Variants in USP3 observed in about 807,000 individuals in gnomAD.
USP3 encodes the protein ubiquitin carboxyl-terminal hydrolase 3.
Under a neutral mutation model 72.3 loss-of-function variants are expected in USP3, and 20 were observed. That is an observed-to-expected ratio of 0.28 (90% CI 0.19 to 0.40). USP3 has a LOEUF of 0.40. Among genes scored for constraint, USP3 ranks in the 10% least tolerant of loss-of-function variants. USP3 has a pLI of 1.00. For missense variants in USP3, 479 were observed against 633.9 expected (o/e 0.76, Z 2.62); for synonymous variants, 222 against 225.3 (o/e 0.99, Z 0.13).
Position 63,574,509 on chromosome 15 carries a change from G to T in USP3, c.1096+106G>T. ...TTTAATTAATATCTTTAATGAATCT[G>T]TGTTGTAACTTAACAAAAGTCAAAC... On this transcript the variant is annotated intron_variant, in intron 11 of 14. Coordinates refer to ENST00000380324, the MANE Select transcript of USP3 (RefSeq NM_006537.4). The surrounding 1 kb of genome is among the most constrained non-coding windows in gnomAD (Gnocchi z 4.6). 1.2e-6 allele frequency: 1 copy of T among 815,926 alleles called. No individual in the cohort carries two copies. Among genetic ancestry groups the T allele is most frequent in the Non-Finnish European group, 1.8e-6 (1 of 563,356 alleles). 50.5% of individuals were successfully genotyped at this position (815,926 alleles called of 1,614,324 possible).
At chr15:63,539,671 T>C (rs997862481) in intron 3 of USP3, among the ~76,000 whole-genome samples, 11 of 152,198 alleles carry the variant, frequency 7.2e-5, no homozygotes, top group African/African-American at 2.7e-4. Context: ...GTATACACTA[T>C]GATGGAGTCT....
At position 63,560,634 on chromosome 15, in the gene USP3, T is replaced by C. The variant is rs76354977; in HGVS notation, c.647+664T>C. ...AACCTGTCTTGGATACTGAAATTAA[T>C]TTGTAGTCAACAGATTAGTTGTGGG... is the stretch of plus-strand genomic sequence containing the variant. On this transcript the variant is annotated intron_variant, in intron 7 of 14. Transcript: ENST00000380324. Among the ~76,000 whole-genome samples the C allele has an allele frequency of 5.5e-3, 833 of 152,122 alleles. 11 individuals are homozygous for C. The highest frequency in any genetic ancestry group is 7.0e-3 in the Non-Finnish European group (477 of 68,002).
rs1483655879 is a variant in USP3 at position 63,592,918 on chromosome 15, A to G, written c.*2092A>G. The stretch of plus-strand genomic sequence containing the variant: ...GAACACATCTGCTAAACACTTTAAC[A>G]TGACAAGGAGCAAATTACAATTATG... On this transcript the variant is annotated 3_prime_UTR_variant, in exon 15 of 15. Transcript: ENST00000380324. 1 of 152,234 alleles carries G rather than the reference A, an allele frequency of 6.6e-6. No individual in the cohort carries two copies. The highest frequency in any genetic ancestry group is 1.5e-5 in the Non-Finnish European group (1 of 68,040). 9.4% of individuals were successfully genotyped at this position (152,234 alleles called of 1,614,324 possible).
At chr15:63,587,295 A>G (rs969509657) in intron 11 of USP3, among the ~76,000 whole-genome samples, 1 of 152,108 alleles carries the variant, frequency 6.6e-6, no homozygotes, top group Non-Finnish European at 1.5e-5. Flanking sequence ...TACTCGAGAA[A>G]ATCCAAGTGT....
At chr15:63,543,257 C>A (rs749316687) in intron 3 of USP3, among the ~76,000 whole-genome samples, 1 of 151,818 alleles carries the variant, frequency 6.6e-6, no homozygotes, top group East Asian at 1.9e-4. Flanking sequence ...TGGGACAGAT[C>A]GTGGTTTACA....
At chr15:63,563,906 A>G (rs1728991016) in intron 8 of USP3, among the ~76,000 whole-genome samples, 1 of 152,230 alleles carries the variant, frequency 6.6e-6, no homozygotes, top group African/African-American at 2.4e-5. Context: ...TAAAAAGTCT[A>G]GTCTTGAGGA....
intron 1 of USP3, among the ~76,000 whole-genome samples, chr15:63,532,212 G>C (rs1177217716): frequency 6.6e-6 from 1 of 152,188 alleles, no homozygotes; most frequent in Admixed American, 6.5e-5. Flanking sequence ...ACCTTATGTT[G>C]TGCCTCTTAG....
chr15:63,549,825 G>A (rs994823915), intron 3 of USP3, among the ~76,000 whole-genome samples: 1 of 152,140 alleles, frequency 6.6e-6, no homozygotes, highest in African/African-American at 2.4e-5. Flanking sequence ...ATATTGGCAA[G>A]CATTTCTTTT....
intron 11 of USP3, among the ~76,000 whole-genome samples, chr15:63,578,345 C>T (rs2066899118): frequency 6.7e-6 from 1 of 149,910 alleles, no homozygotes; most frequent in South Asian, 2.1e-4. Flanking sequence ...TGGCTGAAGC[C>T]TGTAATCCCA....
At chr15:63,512,347 CTCTTCCTCTTCT>C (rs1265764413) in intron 1 of USP3, among the ~76,000 whole-genome samples, 6 of 98,124 alleles carry the variant, frequency 6.1e-5, no homozygotes, top group African/African-American at 1.2e-4. Context: ...CCTCTTCCTC[CTCTTCCTCTTCT>C]TCTTCTTTCT....
intron 8 of USP3, among the ~76,000 whole-genome samples, chr15:63,564,961 T>G (rs1595753715): frequency 6.6e-6 from 1 of 152,242 alleles, no homozygotes; most frequent in East Asian, 1.9e-4. Context: ...TTTTTACAGC[T>G]CTTACCCTGT....
Position 63,509,402 on chromosome 15 carries a change from C to A in USP3, c.91+4572C>A, listed in dbSNP as rs1397305647. Among the ~76,000 whole-genome samples, 3 of 152,078 alleles carry A rather than the reference C, an allele frequency of 2.0e-5. No homozygotes were observed. In the East Asian group the frequency reaches 5.8e-4, roughly 29 times the overall value. On this transcript the variant is annotated intron_variant, in intron 1 of 14. Coordinates refer to ENST00000380324, the MANE Select transcript of USP3 (RefSeq NM_006537.4). The stretch of plus-strand genomic sequence containing the variant: ...ACTTTCCCCAGAATGCTTTCACTAG[C>A]CCGCACTCCCAGTATTTTAGTCAGT...
chr15:63,571,651 G>A (rs1026874713), intron 9 of USP3, among the ~76,000 whole-genome samples: 1 of 150,942 alleles, frequency 6.6e-6, no homozygotes, highest in African/African-American at 2.4e-5. Flanking sequence ...ATCATGGATA[G>A]GCTGTGTGAG....
rs751009791 is a variant in USP3 at position 63,574,200 on chromosome 15, T to C, written c.1015+48T>C. 7 of 1,418,236 alleles carry C rather than the reference T, an allele frequency of 4.9e-6. No homozygotes were observed. The highest frequency in any genetic ancestry group is 4.7e-6 in the Non-Finnish European group (5 of 1,065,204). 87.9% of individuals were successfully genotyped at this position (1,418,236 alleles called of 1,614,324 possible). A position where few individuals can be genotyped will look rare whatever the true frequency, so the allele number is the denominator to read the frequency against. ...ATATATAATATTTTATTAAAATAAA[T>C]TTAATGTTTCCTTCAAAAAATAAGT... is the stretch of plus-strand genomic sequence containing the variant. On this transcript the variant is annotated intron_variant, in intron 10 of 14. Coordinates refer to ENST00000380324, the MANE Select transcript of USP3 (RefSeq NM_006537.4). This position sits in a 1 kb window ranked among gnomAD's most constrained non-coding sequence, Gnocchi z 4.6.
intron 4 of USP3, among the ~76,000 whole-genome samples, chr15:63,555,150 G>A (rs1056011185): frequency 2.0e-5 from 3 of 152,144 alleles, no homozygotes; most frequent in African/African-American, 7.2e-5. Context: ...GATGAAAGGT[G>A]TCACAGACCA....
Position 63,574,388 on chromosome 15 carries a change from G to C in USP3, c.1081G>C (p.Val361Leu). The C allele has an allele frequency of 1.9e-6, 3 of 1,603,702 alleles. No individual in the cohort carries two copies. Among genetic ancestry groups the C allele is most frequent in the Non-Finnish European group, 2.6e-6 (3 of 1,176,172 alleles). The change falls in exon 11 of 15, where the codon GTT (valine) becomes CTT (leucine). Residue 361 changes from valine (V) to leucine (L), a missense_variant. Transcript: ENST00000380324. This position sits in a 1 kb window ranked among gnomAD's most constrained non-coding sequence, Gnocchi z 4.6. ...CTCTAAGAATCAAGAAAATGGACCA[G>C]TTTGTTCGTTACGAGGTAAAGATAC... ...KRSKNQENGP[V>L]CSLRDCLRSF...
chr15:63,590,845 A>G lies in USP3; in HGVS notation c.*19A>G. On this transcript the variant is annotated 3_prime_UTR_variant, in exon 15 of 15. Transcript: ENST00000380324. ...ACTTTAATACCTCCTCCAAATCATC[A>G]TTCACCAACCATACCAGAGAAACAT... 1 of 1,600,162 alleles carries G rather than the reference A, an allele frequency of 6.2e-7. No individual in the cohort carries two copies. The highest frequency in any genetic ancestry group is 8.5e-7 in the Non-Finnish European group (1 of 1,173,040).
At chr15:63,508,541 G>A (rs1266324893) in intron 1 of USP3, among the ~76,000 whole-genome samples, 2 of 152,126 alleles carry the variant, frequency 1.3e-5, no homozygotes, top group African/African-American at 4.8e-5. Context: ...GTTGCTTAAG[G>A]GATTCTAGTT....
At position 63,553,869 on chromosome 15, in the gene USP3, G is replaced by C; in HGVS notation, c.368+71G>C. ...GAGGAGTCTTTTAGAATTTTTGAGT[G>C]GGGTTTTTGTTGATGAGTTTAATAA... On this transcript the variant is annotated intron_variant, in intron 4 of 14. Coordinates refer to ENST00000380324, the MANE Select transcript of USP3 (RefSeq NM_006537.4). This position sits in a 1 kb window ranked among gnomAD's most constrained non-coding sequence, Gnocchi z 4.2. The C allele has an allele frequency of 4.1e-6, 5 of 1,229,130 alleles. No individual in the cohort carries two copies. The East Asian group carries it at 1.2e-4, about 30-fold the overall frequency. The allele number at this position is 1,229,130 out of a possible 1,614,324, so 76.1% of individuals were successfully genotyped here. A position where few individuals can be genotyped will look rare whatever the true frequency, so the allele number is the denominator to read the frequency against.
Sources: gnomAD v4.1 joint callset for allele counts (sites outside exome capture counted in the v4.1 genomes callset) on GRCh38, gnomAD v4.1.1 for gene constraint, Gnocchi (gnomAD v3.1) non-coding constraint, MANE v1.5 for transcripts, NCBI Gene and HGNC (gene_info 2026-07-23, HGNC 2026-07-21) for gene names.